TMPRSS11D: variants seen among roughly 807,000 people sequenced by gnomAD.
TMPRSS11D encodes the protein transmembrane protease serine 11D.
In TMPRSS11D, 32 loss-of-function variants were observed where a neutral mutation model predicts 44.4. That is an observed-to-expected ratio of 0.72 (90% confidence interval 0.54 to 0.97). TMPRSS11D has a LOEUF of 0.97. Among genes scored for constraint, TMPRSS11D ranks in the 50% least tolerant of loss-of-function variants. The pLI is 0.00. For missense variants in TMPRSS11D, 446 were observed against 502.6 expected, an observed-to-expected ratio of 0.89 and a Z score of 1.08; for synonymous variants, 179 against 177.9, an observed-to-expected ratio of 1.01 and a Z score of -0.05.
rs776200005 is a variant in TMPRSS11D, at chr4:67,822,445, A to C, written c.1149T>G (p.Ile383Met). ...GATCTCCCCAGCTTACTATCCCCAC[A>C]ATAAACCAAAGCCGCCGTGAGTCTT... ...VQEDSRRLWFIVGIVSWGDQC... is the reference protein window; with the variant it reads ...VQEDSRRLWFMVGIVSWGDQC... Residue 383 changes from isoleucine (I) to methionine (M), a missense_variant, in exon 10 of 10, where the codon ATT becomes ATG. Ile to Met is a conservative substitution (Grantham distance 10, BLOSUM62 1). Transcript: ENST00000283916. 6 of 1,613,882 alleles carry C rather than the reference A, an allele frequency of 3.7e-6. No homozygotes were observed. The South Asian group carries it at 6.6e-5, about 18-fold the overall frequency.
At chr4:67,868,147 T>C (rs1316846838) in intron 1 of TMPRSS11D, among the ~76,000 whole-genome samples, 3 of 151,786 alleles carry the variant, frequency 2.0e-5, no homozygotes, top group African/African-American at 7.3e-5. Flanking sequence ...AAATCATGTC[T>C]TTTACAGCAA....
chr4:67,876,717 T>G (rs1002024263), intron 1 of TMPRSS11D, among the ~76,000 whole-genome samples: 1 of 152,226 alleles, frequency 6.6e-6, no homozygotes, highest in Non-Finnish European at 1.5e-5. Context: ...TATTGTTTTT[T>G]GCAACCCAAG....
intron 8 of TMPRSS11D, among the ~76,000 whole-genome samples, chr4:67,826,220 A>G (rs1717788862): frequency 6.6e-6 from 1 of 152,144 alleles, no homozygotes. Context: ...CCTTTAACCT[A>G]GCAGCAAAAG....
intron 1 of TMPRSS11D, among the ~76,000 whole-genome samples, chr4:67,872,435 G>A (rs1337077730): frequency 6.6e-6 from 1 of 151,752 alleles, no homozygotes; most frequent in Admixed American, 6.6e-5. Context: ...ATATTTTATT[G>A]TAAAAATGCT....
rs1168237686 is a variant in TMPRSS11D at position 67,882,250 on chromosome 4, T to C, written c.8+1676A>G. 3.3e-5 allele frequency among the ~76,000 whole-genome samples: 5 copies of C among 152,178 alleles called. No homozygotes were observed. The East Asian group carries it at 7.7e-4, about 23-fold the overall frequency. ...AATTACCTGAAGATTTATCTAAAAT[T>C]ATGCCAAAATTACCTACAATTACCT... is the stretch of plus-strand genomic sequence containing the variant. On this transcript the variant is annotated intron_variant, in intron 1 of 9. Transcript: ENST00000283916.
intron 5 of TMPRSS11D, among the ~76,000 whole-genome samples, chr4:67,837,247 T>A (rs531248645): frequency 6.6e-6 from 1 of 152,228 alleles, no homozygotes; most frequent in South Asian, 2.1e-4. Flanking sequence ...TTCAACTACC[T>A]AACAAACTGC....
At chr4:67,846,910 AT>A (rs35544443) in intron 3 of TMPRSS11D, among the ~76,000 whole-genome samples, 132,574 of 145,470 alleles carry the variant, frequency 0.91, 61,498 homozygotes, top group East Asian at 0.99. Context: ...CTAAAAAGTG[AT>A]TTTTTTTTTT....
At chr4:67,838,539 T>C (rs1288627944) in intron 4 of TMPRSS11D, among the ~76,000 whole-genome samples, 3 of 152,116 alleles carry the variant, frequency 2.0e-5, no homozygotes, top group Non-Finnish European at 2.9e-5. Context: ...CTGTACTCAC[T>C]GTAGGATAGC....
At chr4:67,880,479 G>C (rs1365053010) in intron 1 of TMPRSS11D, among the ~76,000 whole-genome samples, 1 of 151,972 alleles carries the variant, frequency 6.6e-6, no homozygotes, top group East Asian at 1.9e-4. Context: ...TCTTTATGCT[G>C]ACAAATATTC....
intron 1 of TMPRSS11D, among the ~76,000 whole-genome samples, chr4:67,868,828 A>C (rs1206663026): frequency 6.6e-6 from 1 of 152,150 alleles, no homozygotes; most frequent in Non-Finnish European, 1.5e-5. Context: ...ATGAGGCAGG[A>C]GGTCTCATTG....
chr4:67,826,238 AG>A (rs369930993), intron 8 of TMPRSS11D, among the ~76,000 whole-genome samples: 5 of 152,288 alleles, frequency 3.3e-5, no homozygotes, highest in African/African-American at 1.2e-4. Context: ...AAGAGAAACC[AG>A]TCTAGTTTCA....
rs1429767233 is a variant in TMPRSS11D at position 67,838,167 on chromosome 4, C to T, written c.475+5G>A. 6.6e-6 allele frequency: 10 copies of T among 1,514,548 alleles called. No homozygotes were observed. The highest frequency in any genetic ancestry group is 1.3e-5 in the South Asian group (1 of 74,650). The allele number at this position is 1,514,548 out of a possible 1,614,324, so 93.8% of individuals were successfully genotyped here. On this transcript the variant is annotated splice_donor_5th_base_variant and intron_variant, in intron 5 of 9. Coordinates refer to ENST00000283916, the MANE Select transcript of TMPRSS11D (RefSeq NM_004262.3). ...ATAAAATTGTTTATGAAAAATTATA[C>T]TTACATGTTATCTCAGTTGAAGGGT...
chr4:67,868,248 A>C (rs1291910120), intron 1 of TMPRSS11D, among the ~76,000 whole-genome samples: 2 of 152,170 alleles, frequency 1.3e-5, no homozygotes, highest in East Asian at 3.8e-4. Flanking sequence ...CATGGGAGCT[A>C]AATAATGTGC....
intron 3 of TMPRSS11D, among the ~76,000 whole-genome samples, chr4:67,850,852 A>G (rs925479219): frequency 1.3e-5 from 2 of 152,176 alleles, no homozygotes; most frequent in Non-Finnish European, 2.9e-5. Context: ...AATAGCCCAA[A>G]TCCCAAAGTT....
At chr4:67,852,549 T>C (rs1446885256) in intron 3 of TMPRSS11D, among the ~76,000 whole-genome samples, 1 of 152,198 alleles carries the variant, frequency 6.6e-6, no homozygotes, top group Non-Finnish European at 1.5e-5. Flanking sequence ...ATAAGCTTAT[T>C]TAATACATTT....
chr4:67,865,933 C>T (rs984449009), intron 1 of TMPRSS11D, among the ~76,000 whole-genome samples: 2 of 151,872 alleles, frequency 1.3e-5, no homozygotes, highest in African/African-American at 2.4e-5. Flanking sequence ...AAAACTGATG[C>T]CAATCCTAAT....
chr4:67,852,548 T>C (rs1718533562), intron 3 of TMPRSS11D, among the ~76,000 whole-genome samples: 1 of 152,142 alleles, frequency 6.6e-6, no homozygotes, highest in Non-Finnish European at 1.5e-5. Flanking sequence ...CATAAGCTTA[T>C]TTAATACATT....
intron 1 of TMPRSS11D, among the ~76,000 whole-genome samples, chr4:67,880,163 T>A (rs188341290): frequency 3.6e-3 from 553 of 152,312 alleles, no homozygotes; most frequent in African/African-American, 0.011. Context: ...GAAAGGTCAG[T>A]TCGTAGACAG....
chr4:67,852,555 CA>C (rs1480773137), intron 3 of TMPRSS11D, among the ~76,000 whole-genome samples: 9 of 152,124 alleles, frequency 5.9e-5, no homozygotes, highest in Non-Finnish European at 1.5e-5. Context: ...TTATTTAATA[CA>C]TTTTTTTCTC....
Sources: gnomAD v4.1 joint callset for allele counts (sites outside exome capture counted in the v4.1 genomes callset) on GRCh38, gnomAD v4.1.1 for gene constraint, MANE v1.5 for transcripts, NCBI Gene and HGNC (gene_info 2026-07-23, HGNC 2026-07-21) for gene names.